Variants in DIAPH3 observed in about 807,000 individuals in gnomAD.
DIAPH3 encodes protein diaphanous homolog 3.
In DIAPH3, 117 loss-of-function variants were observed where a neutral mutation model predicts 144.3. The observed-to-expected ratio is 0.81, with a 90% CI of 0.70 to 0.95. The LOEUF is 0.95. Ranked by LOEUF, DIAPH3 falls within the 40% of genes least tolerant of loss-of-function variation. The pLI is 0.00. For synonymous variants in DIAPH3, 519 were observed against 488.9 expected (o/e 1.06, Z -0.81); for missense variants, 1,421 against 1,412.7 (o/e 1.01, Z -0.09).
At chr13:60,087,297 G>T (rs1035417562) in intron 4 of DIAPH3, among the ~76,000 whole-genome samples, 6 of 152,052 alleles carry the variant, frequency 3.9e-5, no homozygotes, top group African/African-American at 1.4e-4. Flanking sequence ...ATCAAGATAC[G>T]CCTAGAAGAG....
At chr13:60,044,023 A>G (rs1053229986) in intron 4 of DIAPH3, among the ~76,000 whole-genome samples, 12 of 152,130 alleles carry the variant, frequency 7.9e-5, no homozygotes, top group Admixed American at 4.6e-4. Flanking sequence ...GGAAAAAAAA[A>G]TGCTGTGATG....
intron 17 of DIAPH3, among the ~76,000 whole-genome samples, chr13:59,969,299 T>G (rs17070133): frequency 0.07 from 10,664 of 152,272 alleles, 413 homozygotes; most frequent in Admixed American, 0.11. Flanking sequence ...TACTTCTCTT[T>G]CAAGCTAACT....
At chr13:59,931,709 T>C (rs888996622) in intron 17 of DIAPH3, among the ~76,000 whole-genome samples, 5 of 152,210 alleles carry the variant, frequency 3.3e-5, no homozygotes, top group African/African-American at 1.2e-4. Context: ...ATAAAGAGGA[T>C]ACTCAGGCTT....
chr13:60,001,124 C>G (rs555800493), intron 9 of DIAPH3, among the ~76,000 whole-genome samples: 2 of 152,188 alleles, frequency 1.3e-5, no homozygotes, highest in African/African-American at 2.4e-5. Context: ...AACAGCATAT[C>G]TCTCCAGAGC....
At chr13:59,996,910 T>TG (rs1361376055) in intron 9 of DIAPH3, among the ~76,000 whole-genome samples, 1 of 152,096 alleles carries the variant, frequency 6.6e-6, no homozygotes, top group Non-Finnish European at 1.5e-5. Flanking sequence ...TCTTCATATG[T>TG]GAATATATAG....
chr13:59,816,425 T>C (rs2139599564), intron 24 of DIAPH3, among the ~76,000 whole-genome samples: 1 of 151,838 alleles, frequency 6.6e-6, no homozygotes, highest in East Asian at 1.9e-4. Flanking sequence ...TCCAATACTA[T>C]CCTACAAATT....
intron 21 of DIAPH3, among the ~76,000 whole-genome samples, chr13:59,868,625 GTC>G (rs1287438902): frequency 1.3e-5 from 2 of 152,046 alleles, no homozygotes; most frequent in Non-Finnish European, 2.9e-5. Flanking sequence ...AGTTCTATGT[GTC>G]TTGATAAACT....
chr13:59,860,062 T>A (rs905583389), intron 22 of DIAPH3, among the ~76,000 whole-genome samples: 2 of 152,168 alleles, frequency 1.3e-5, no homozygotes, highest in Non-Finnish European at 2.9e-5. Context: ...AAATATTTAC[T>A]TCAAGGAAAC....
chr13:59,757,957 A>G (rs2037373197), intron 27 of DIAPH3, among the ~76,000 whole-genome samples: 1 of 152,226 alleles, frequency 6.6e-6, no homozygotes, highest in Admixed American at 6.5e-5. Context: ...GAGAAATAAC[A>G]CACAGGACAG....
chr13:59,902,387 C>T (rs770057847), intron 20 of DIAPH3, among the ~76,000 whole-genome samples: 18 of 152,144 alleles, frequency 1.2e-4, no homozygotes, highest in Non-Finnish European at 2.4e-4. Flanking sequence ...CTACACCTTC[C>T]ACCATGATCA....
chr13:60,132,903 C>G, intron 2 of DIAPH3, 54 bp downstream of exon 2: 2 of 1,441,766 alleles, frequency 1.4e-6, no homozygotes, highest in East Asian at 4.6e-5. Flanking sequence ...ACACCATCAA[C>G]GTTATATGGT....
chr13:60,083,384 C>A (rs1253502225), intron 4 of DIAPH3, among the ~76,000 whole-genome samples: 1 of 151,786 alleles, frequency 6.6e-6, no homozygotes, highest in Non-Finnish European at 1.5e-5. Flanking sequence ...GTAAAAGTAT[C>A]CCAATAAATG....
intron 25 of DIAPH3, among the ~76,000 whole-genome samples, chr13:59,804,015 C>T (rs1359212808): frequency 6.6e-6 from 1 of 152,138 alleles, no homozygotes; most frequent in Non-Finnish European, 1.5e-5. Flanking sequence ...CTCCTAAAAC[C>T]TACTATATTG....
chr13:59,939,905 C>G (rs924056914), intron 17 of DIAPH3, among the ~76,000 whole-genome samples: 4 of 150,120 alleles, frequency 2.7e-5, no homozygotes, highest in African/African-American at 9.8e-5. Context: ...AAATGGAGAG[C>G]TAAGCCAAGT....
At chr13:60,037,278 G>C (rs985765516) in intron 5 of DIAPH3, among the ~76,000 whole-genome samples, 1 of 151,722 alleles carries the variant, frequency 6.6e-6, no homozygotes, top group Non-Finnish European at 1.5e-5. Context: ...AATCTGGGGG[G>C]CGGGGACAAA....
At chr13:60,150,342 A>T (rs1351471681) in intron 1 of DIAPH3, among the ~76,000 whole-genome samples, 1 of 152,210 alleles carries the variant, frequency 6.6e-6, no homozygotes, top group Non-Finnish European at 1.5e-5. Flanking sequence ...CAATTAAAAA[A>T]AACTATTTGG....
intron 21 of DIAPH3, among the ~76,000 whole-genome samples, chr13:59,870,951 T>C (rs990321742): frequency 1.3e-5 from 2 of 152,330 alleles, no homozygotes; most frequent in African/African-American, 4.8e-5. Context: ...ATTACAGGCA[T>C]GAGCCACCAC....
Position 59,758,172 on chromosome 13 carries a change from T to G in DIAPH3, c.3319+16017A>C, listed in dbSNP as rs76363768. Among the ~76,000 whole-genome samples the G allele has an allele frequency of 9.8e-4, 149 of 152,354 alleles. 3 individuals carry two copies. The East Asian group carries it at 0.022, about 23-fold the overall frequency. ...ACTGCTGGACAGTATTTACTAAAGC[T>G]GAATATATGCATATCCAACAAAACA... On this transcript the variant is annotated intron_variant, in intron 27 of 27. Coordinates refer to ENST00000400324, the MANE Select transcript of DIAPH3 (RefSeq NM_001042517.2).
At chr13:59,772,964 A>T (rs435078) in intron 27 of DIAPH3, among the ~76,000 whole-genome samples, 100,027 of 151,960 alleles carry the variant, frequency 0.66, 33,402 homozygotes, top group East Asian at 0.72. Flanking sequence ...GTTTCTATTT[A>T]TTCATGGATA....
Sources: allele counts gnomAD v4.1 joint callset (sites outside exome capture counted in the v4.1 genomes callset), GRCh38; gene constraint gnomAD v4.1.1; transcripts MANE v1.5; gene names NCBI Gene and HGNC (gene_info 2026-07-23, HGNC 2026-07-21).